DGCR2: variants seen among roughly 807,000 people sequenced by gnomAD.
The protein encoded by DGCR2 is integral membrane protein DGCR2/IDD.
DGCR2 carries 24 observed loss-of-function variants against 51.6 expected under a neutral mutation model. The ratio of observed to expected loss-of-function variants is 0.47; its 90% CI spans 0.34 to 0.65. The LOEUF is 0.65. DGCR2 is among the 30% of genes least tolerant of loss of function. The pLI is 0.01. For missense variants in DGCR2, 765 were observed against 772.1 expected (o/e 0.99, Z 0.11); for synonymous variants, 340 against 315.4 (o/e 1.08, Z -0.82).
Position 19,112,714 on chromosome 22 carries a change from G to A in DGCR2, c.79+9414C>T, listed in dbSNP as rs1285988917. Among the ~76,000 whole-genome samples the A allele has an allele frequency of 2.1e-5, 3 of 144,110 alleles. 1 individual carries two copies. Among genetic ancestry groups the A allele is most frequent in the African/African-American group, 7.7e-5 (3 of 39,200 alleles). 94.5% of individuals were successfully genotyped at this position (144,110 alleles called of 152,430 possible). Reference sequence around the variant, plus strand: ...GCCTCCCAAAGTGCTGGAATTTCAGGTGTGAACCACCCGGCCCTGCCTCAA... The same window carrying A: ...GCCTCCCAAAGTGCTGGAATTTCAGATGTGAACCACCCGGCCCTGCCTCAA... On this transcript the variant is annotated intron_variant, in intron 1 of 9. Coordinates refer to ENST00000263196, the MANE Select transcript of DGCR2 (RefSeq NM_005137.3).
chr22:19,090,430 AAAG>A (rs1327766211), intron 1 of DGCR2, among the ~76,000 whole-genome samples: 1 of 152,236 alleles, frequency 6.6e-6, no homozygotes, highest in Non-Finnish European at 1.5e-5. Context: ...GCAGGCAGAA[AAAG>A]AAGACATGCA....
intron 1 of DGCR2, among the ~76,000 whole-genome samples, chr22:19,092,828 C>T (rs1222545292): frequency 6.6e-6 from 1 of 152,030 alleles, no homozygotes; most frequent in African/African-American, 2.4e-5. Context: ...GGTGCAAAGG[C>T]AGCTCCCTGA....
intron 7 of DGCR2, chr22:19,046,395 T>G (rs190160640): frequency 2.4e-3 from 363 of 152,768 alleles, no homozygotes; most frequent in Middle Eastern, 6.8e-3. Context: ...TTAAACACAC[T>G]TATTAGTTCT....
intron 1 of DGCR2, among the ~76,000 whole-genome samples, chr22:19,107,095 T>C (rs1328335866): frequency 1.3e-5 from 2 of 152,214 alleles, no homozygotes; most frequent in African/African-American, 4.8e-5. Context: ...TGCCTGCAAC[T>C]TCTTTGATAT....
chr22:19,064,263 TCTC>T (rs1203641814), intron 4 of DGCR2, among the ~76,000 whole-genome samples: 1 of 152,204 alleles, frequency 6.6e-6, no homozygotes. Flanking sequence ...CCCTCTTGCT[TCTC>T]CACTGGACTC....
rs935094456 is a variant in DGCR2, at chr22:19,038,709, G to A, written c.*156C>T. The A allele has an allele frequency of 1.1e-4, 109 of 974,004 alleles. No homozygotes were observed. In the Middle Eastern group the frequency reaches 1.5e-3, roughly 13 times the overall value. 60.3% of individuals were successfully genotyped at this position (974,004 alleles called of 1,614,324 possible). ...GCCATCACTTCTTTTGGCAGAAGGC[G>A]GGCTGTGGTCTCTATGTACACACGC... On this transcript the variant is annotated 3_prime_UTR_variant, in exon 10 of 10. Transcript: ENST00000263196.
intron 1 of DGCR2, among the ~76,000 whole-genome samples, chr22:19,119,308 T>G (rs1369950022): frequency 6.6e-6 from 1 of 152,208 alleles, no homozygotes; most frequent in African/African-American, 2.4e-5. Context: ...ATGAGTGCTC[T>G]GGATTTCAGC....
intron 4 of DGCR2, 124 bp downstream of exon 4, chr22:19,064,724 C>G: frequency 1.1e-6 from 1 of 899,734 alleles, no homozygotes; most frequent in Non-Finnish European, 1.7e-6. Context: ...GTGGGCGAGG[C>G]TGGTCTTCCC....
chr22:19,048,550 T>C lies in DGCR2; in HGVS notation c.896A>G (p.His299Arg), dbSNP rs1260400162. The change falls in exon 7 of 10, where the codon CAT becomes CGT. Residue 299 changes from histidine (H) to arginine (R), a missense_variant. Physicochemically the swap from His to Arg is conservative, Grantham distance 29. This residue lies in a region of DGCR2 where 190 missense variants were observed against 265.2 expected (regional missense o/e 0.72). Coordinates refer to ENST00000263196, the MANE Select transcript of DGCR2 (RefSeq NM_005137.3). ...GDDPCLSCTCHGGEPEMCVAA... is the reference protein window; with the variant it reads ...GDDPCLSCTCRGGEPEMCVAA... ...CACACACATCTCAGGCTCCCCTCCA[T>C]GGCAGGTGCAGCTCAGGCATGGGTC... is the stretch of plus-strand genomic sequence containing the variant. 2 of 1,614,102 alleles carry C rather than the reference T, an allele frequency of 1.2e-6. No individual in the cohort carries two copies. Among genetic ancestry groups the C allele is most frequent in the African/African-American group, 1.3e-5 (1 of 74,940 alleles).
intron 1 of DGCR2, among the ~76,000 whole-genome samples, chr22:19,114,511 C>G (rs2083353341): frequency 6.6e-6 from 1 of 152,252 alleles, no homozygotes; most frequent in South Asian, 2.1e-4. Flanking sequence ...TCTAACTCTT[C>G]CAGGTCCTCT....
At chr22:19,060,858 C>A (rs747195353) in intron 5 of DGCR2, 3 of 515,938 alleles carry the variant, frequency 5.8e-6, no homozygotes, top group Non-Finnish European at 1.2e-5. Flanking sequence ...GCACAGGAAC[C>A]CTGCGGAAAC....
chr22:19,044,446 G>C (rs746919656), intron 7 of DGCR2, among the ~76,000 whole-genome samples: 14 of 152,346 alleles, frequency 9.2e-5, no homozygotes, highest in Non-Finnish European at 1.6e-4. Context: ...CTCCATCAGA[G>C]ACACCATGGG....
chr22:19,095,534 G>A (rs573161798), intron 1 of DGCR2, among the ~76,000 whole-genome samples: 148 of 151,796 alleles, frequency 9.7e-4, no homozygotes, highest in African/African-American at 3.4e-3. Context: ...GGTGGCGGGC[G>A]CCTGTAGTCC....
intron 7 of DGCR2, among the ~76,000 whole-genome samples, chr22:19,044,132 A>G (rs2082462513): frequency 6.6e-6 from 1 of 152,210 alleles, no homozygotes. Flanking sequence ...GGACACGGTC[A>G]AGGTCCCAAC....
Position 19,062,757 on chromosome 22 carries a change from G to GCGCA in DGCR2, c.625+444_625+445insTGCG, listed in dbSNP as rs770231535. ...AAGCAGCTCCGCATAAAATCTTTGC[G>GCGCA]CACACACACACATGCATGCTCACTC... On this transcript the variant is annotated intron_variant, in intron 5 of 9. Coordinates refer to ENST00000263196, the MANE Select transcript of DGCR2 (RefSeq NM_005137.3). Among the ~76,000 whole-genome samples, 252 of 134,204 alleles carry GCGCA rather than the reference G, an allele frequency of 1.9e-3. 3 individuals carry two copies. The highest frequency in any genetic ancestry group is 2.4e-3 in the Admixed American group (31 of 13,066). 88.0% of individuals were successfully genotyped at this position (134,204 alleles called of 152,430 possible). A position where few individuals can be genotyped will look rare whatever the true frequency, so the allele number is the denominator to read the frequency against.
At chr22:19,099,680 G>A (rs1414825192) in intron 1 of DGCR2, among the ~76,000 whole-genome samples, 1 of 151,962 alleles carries the variant, frequency 6.6e-6, no homozygotes, top group Non-Finnish European at 1.5e-5. Flanking sequence ...CTTAAAAACA[G>A]TCACCCTTGG....
Position 19,094,355 on chromosome 22 carries a change from A to G in DGCR2, c.80-4865T>C, listed in dbSNP as rs541571616. On this transcript the variant is annotated intron_variant, in intron 1 of 9. Coordinates refer to ENST00000263196, the MANE Select transcript of DGCR2 (RefSeq NM_005137.3). Reference sequence around the variant, plus strand: ...AGGCAGAATTGCTTGAACCCAGGAGACAGAGGTTGCAGTGAGCCAAGATTG... The same window carrying G: ...AGGCAGAATTGCTTGAACCCAGGAGGCAGAGGTTGCAGTGAGCCAAGATTG... Among the ~76,000 whole-genome samples, 78 of 152,268 alleles carry G rather than the reference A, an allele frequency of 5.1e-4. 1 individual carries two copies. Among genetic ancestry groups the G allele is most frequent in the Admixed American group, 2.4e-3 (36 of 15,290 alleles).
intron 6 of DGCR2, among the ~76,000 whole-genome samples, chr22:19,052,796 A>G (rs763768653): frequency 7.2e-5 from 11 of 152,136 alleles, no homozygotes; most frequent in South Asian, 6.2e-4. Flanking sequence ...AAAAGGAACA[A>G]ATCATTAATA....
chr22:19,063,463 C>T (rs892088217), intron 4 of DGCR2, among the ~76,000 whole-genome samples, 185 bp from the exon 5 acceptor site: 4 of 151,852 alleles, frequency 2.6e-5, no homozygotes, highest in African/African-American at 9.7e-5. Context: ...CTCAGCCTCC[C>T]GAGTAGGTGG....
Sources: gnomAD v4.1 joint callset for allele counts (sites outside exome capture counted in the v4.1 genomes callset) on GRCh38, gnomAD v4.1.1 for gene constraint, gnomAD v4.1.1 regional missense constraint, MANE v1.5 for transcripts, NCBI Gene and HGNC (gene_info 2026-07-23, HGNC 2026-07-21) for gene names.